The following RCC1L variants were observed in gnomAD, a reference collection of about 807,000 sequenced individuals.
RCC1L encodes RCC1-like G exchanging factor-like protein.
A neutral mutation model predicts 58.6 loss-of-function variants in RCC1L; 46 were observed. The ratio of observed to expected loss-of-function variants is 0.79; its 90% CI spans 0.62 to 1.00. The LOEUF (loss-of-function observed/expected upper bound fraction) is 1.00. Among genes scored for constraint, RCC1L ranks in the 50% least tolerant of loss-of-function variants. The pLI, the probability that RCC1L is intolerant of heterozygous loss-of-function variation, is 0.00. For missense variants in RCC1L, 636 were observed against 623.6 expected (o/e 1.02, Z -0.21); for synonymous variants, 281 against 262.9 (o/e 1.07, Z -0.67).
At chr7:75,066,176 G>T (rs1194471378) in intron 3 of RCC1L, among the ~76,000 whole-genome samples, 2 of 152,162 alleles carry the variant, frequency 1.3e-5, no homozygotes, top group Non-Finnish European at 2.9e-5. Flanking sequence ...AGGTGGCCAG[G>T]TGCAGTGGCT....
intron 5 of RCC1L, among the ~76,000 whole-genome samples, 171 bp from the exon 6 acceptor site, chr7:75,061,462 G>A (rs924055999): frequency 2.0e-5 from 3 of 152,116 alleles, no homozygotes; most frequent in Non-Finnish European, 4.4e-5. Flanking sequence ...GTCTCCCACT[G>A]CATTGAAACT....
chr7:75,064,567 C>A lies in RCC1L; in HGVS notation c.650+15G>T. On this transcript the variant is annotated intron_variant, in intron 4 of 10. Coordinates refer to ENST00000610322, the MANE Select transcript of RCC1L (RefSeq NM_030798.5). ...TAACTCAACATGGGGAAGGGTAGGC[C>A]TTTTAGGAACTCACCTGTAAATTTC... The A allele has an allele frequency of 6.2e-7, 1 of 1,613,744 alleles. No individual in the cohort carries two copies. The highest frequency in any genetic ancestry group is 1.1e-5 in the South Asian group (1 of 91,066).
chr7:75,059,928 T>C (rs1806219550), intron 6 of RCC1L, among the ~76,000 whole-genome samples: 1 of 151,818 alleles, frequency 6.6e-6, no homozygotes, highest in South Asian at 2.1e-4. Context: ...GCCCAGCCAA[T>C]TTTTTTTGTA....
At chr7:75,045,297 A>G (rs1308722031) in intron 10 of RCC1L, among the ~76,000 whole-genome samples, 1 of 151,606 alleles carries the variant, frequency 6.6e-6, no homozygotes, top group African/African-American at 2.4e-5. Flanking sequence ...CTCCCACCTC[A>G]CCCTCCCAAG....
intron 1 of RCC1L, 91 bp from the exon 2 acceptor site, chr7:75,070,860 A>G: frequency 1.3e-6 from 2 of 1,543,464 alleles, no homozygotes; most frequent in South Asian, 2.3e-5. Flanking sequence ...ATCCAAGAAC[A>G]CATACTATTT....
At chr7:75,058,154 C>A in intron 7 of RCC1L, 2 of 55,334 alleles carry the variant, frequency 3.6e-5, no homozygotes, top group South Asian at 2.1e-4. Context: ...CCAGGCTGGT[C>A]TCGAACTCCT....
At chr7:75,072,314 A>T (rs587729125) in intron 1 of RCC1L, among the ~76,000 whole-genome samples, 5 of 149,866 alleles carry the variant, frequency 3.3e-5, no homozygotes, top group African/African-American at 1.2e-4. Flanking sequence ...GGCATGAGCT[A>T]CCGCACCTGG....
chr7:75,064,670 A>G, intron 3 of RCC1L, 22 bp from the exon 4 acceptor site: 1 of 1,613,030 alleles, frequency 6.2e-7, no homozygotes, highest in Non-Finnish European at 8.5e-7. Context: ...ACCACCAATC[A>G]AATCAGTTCT....
At chr7:75,051,143 G>T (rs1349966160) in intron 10 of RCC1L, among the ~76,000 whole-genome samples, 2 of 148,500 alleles carry the variant, frequency 1.3e-5, no homozygotes, top group Non-Finnish European at 3.0e-5. Context: ...ATTTCAACTT[G>T]CTTTCTCAGA....
At chr7:75,072,675 G>A (rs1806807138) in intron 1 of RCC1L, among the ~76,000 whole-genome samples, 2 of 152,118 alleles carry the variant, frequency 1.3e-5, no homozygotes, top group Non-Finnish European at 2.9e-5. Flanking sequence ...AAGATGGTTT[G>A]ATTTTAAAAT....
intron 10 of RCC1L, among the ~76,000 whole-genome samples, chr7:75,052,144 G>A (rs1054279538): frequency 6.6e-6 from 1 of 152,086 alleles, no homozygotes; most frequent in African/African-American, 2.4e-5. Flanking sequence ...CTAAGGAAGC[G>A]ACTTTATTTT....
downstream of RCC1L, among the ~76,000 whole-genome samples, chr7:75,040,317 G>A (rs1049562155): frequency 4.7e-3 from 712 of 152,216 alleles, 14 homozygotes; most frequent in Admixed American, 6.1e-3. Context: ...AAAATTAGCC[G>A]GGCGTGGTAG....
chr7:75,063,152 A>G lies in RCC1L; in HGVS notation c.702+140T>C. The G allele has an allele frequency of 5.3e-6, 5 of 943,486 alleles. No homozygotes were observed. The Admixed American group carries it at 7.8e-5, about 15-fold the overall frequency. The allele number at this position is 943,486 out of a possible 1,614,324, so 58.4% of individuals were successfully genotyped here. On this transcript the variant is annotated intron_variant, in intron 5 of 10. Coordinates refer to ENST00000610322, the MANE Select transcript of RCC1L (RefSeq NM_030798.5). ...GAATCTAGCATAAATCCTGGCCTAT[A>G]GTAAGTAGGCTACAATTTTTACTAA...
chr7:75,056,449 C>T (rs1285526202), intron 8 of RCC1L: 1 of 1,363,286 alleles, frequency 7.3e-7, no homozygotes, highest in Non-Finnish European at 9.7e-7. Flanking sequence ...GTGTTTCACA[C>T]TGATCAGAAG....
intron 2 of RCC1L, among the ~76,000 whole-genome samples, chr7:75,068,591 C>T (rs1381160347): frequency 6.6e-6 from 1 of 151,666 alleles, no homozygotes; most frequent in Non-Finnish European, 1.5e-5. Flanking sequence ...GAGGCCGAGG[C>T]AACAGAATCA....
chr7:75,039,341 ATTAT>A (rs1805494747), downstream of RCC1L, among the ~76,000 whole-genome samples: 2 of 152,254 alleles, frequency 1.3e-5, no homozygotes, highest in Non-Finnish European at 2.9e-5. Context: ...TCTTTAGGGC[ATTAT>A]TTGTCAGGAT....
chr7:75,037,303 G>A (rs920754119), downstream of RCC1L, among the ~76,000 whole-genome samples: 26 of 152,152 alleles, frequency 1.7e-4, no homozygotes, highest in South Asian at 5.0e-3. Flanking sequence ...TCCTGCCTCA[G>A]CCTCCCAAGC....
In RCC1L at chr7:75,047,571, G is replaced by A. The variant is rs944942622; in HGVS notation, c.1318-4462C>T. Among the ~76,000 whole-genome samples, 19 of 152,238 alleles carry A rather than the reference G, an allele frequency of 1.2e-4. No individual in the cohort carries two copies. In the East Asian group the frequency reaches 2.3e-3, roughly 19 times the overall value. Reference sequence around the variant, plus strand: ...GAGTTACCATGCCTGGCCTGTGCCCGGCTTTTAACTTGTACTCCTCTCCTG... The same window carrying A: ...GAGTTACCATGCCTGGCCTGTGCCCAGCTTTTAACTTGTACTCCTCTCCTG... On this transcript the variant is annotated intron_variant, in intron 10 of 10. Coordinates refer to ENST00000610322, the MANE Select transcript of RCC1L (RefSeq NM_030798.5).
chr7:75,035,113 C>T (rs1006049973), intron 10 of RCC1L, among the ~76,000 whole-genome samples: 11 of 152,196 alleles, frequency 7.2e-5, no homozygotes, highest in African/African-American at 2.7e-4. Context: ...TCACTGCAGC[C>T]CCCAACTCCC....
Sources: gnomAD v4.1 joint callset for allele counts (sites outside exome capture counted in the v4.1 genomes callset) on GRCh38, gnomAD v4.1.1 for gene constraint, MANE v1.5 for transcripts, NCBI Gene and HGNC (gene_info 2026-07-23, HGNC 2026-07-21) for gene names.